The following PRR23B variants were observed in gnomAD, a reference collection of about 807,000 sequenced individuals.
PRR23B encodes proline-rich protein 23B.
For missense variants in PRR23B, 375 were observed against 371.7 expected (o/e 1.01, Z -0.07); for synonymous variants, 157 against 168.0 (o/e 0.93, Z 0.51).
In PRR23B at chr3:139,020,466, C is replaced by A. The variant is rs1346080830; in HGVS notation, c.196G>T (p.Gly66Cys). 2 of 1,609,878 alleles carry A rather than the reference C, an allele frequency of 1.2e-6. No homozygotes were observed. The highest frequency in any genetic ancestry group is 2.2e-5 in the South Asian group (2 of 90,676). The change falls in exon 1 of 1, where the codon GGC (glycine) becomes TGC (cysteine). Residue 66 changes from glycine to cysteine, a missense_variant. By Grantham distance (159) the Gly-to-Cys change is radical. Coordinates refer to ENST00000329447, the MANE Select transcript of PRR23B (RefSeq NM_001013650.2). ...ALTSIVVLAA[G>C]CALRVPLDDV... ...TCCAGGGGCACACGCAGGGCACAGCCCGCGGCCAGGACCACTATGGAGGTG... is the reference window on the plus strand; with the variant it reads ...TCCAGGGGCACACGCAGGGCACAGCACGCGGCCAGGACCACTATGGAGGTG...
Position 139,019,041 on chromosome 3 carries a change from A to G in PRR23B, c.*823T>C, listed in dbSNP as rs1052077846. On this transcript the variant is annotated 3_prime_UTR_variant, in exon 1 of 1. Transcript: ENST00000329447. ...CCAGCTTGTTGACATCAGCTTTACC[A>G]GTAATCTTTTATCTCCTATATAAAA... The G allele has an allele frequency of 1.3e-5, 2 of 152,218 alleles. No individual in the cohort carries two copies. The highest frequency in any genetic ancestry group is 1.9e-4 in the East Asian group (1 of 5,198). 9.4% of individuals were successfully genotyped at this position (152,218 alleles called of 1,614,324 possible).
At position 139,019,767 on chromosome 3, in the gene PRR23B, T is replaced by C; in HGVS notation, c.*97A>G. 2 of 1,297,902 alleles carry C rather than the reference T, an allele frequency of 1.5e-6. No individual in the cohort carries two copies. Among genetic ancestry groups the C allele is most frequent in the South Asian group, 3.0e-5 (2 of 66,922 alleles). The allele number at this position is 1,297,902 out of a possible 1,614,324, so 80.4% of individuals were successfully genotyped here. A position where few individuals can be genotyped will look rare whatever the true frequency, so the allele number is the denominator to read the frequency against. On this transcript the variant is annotated 3_prime_UTR_variant, in exon 1 of 1. Coordinates refer to ENST00000329447, the MANE Select transcript of PRR23B (RefSeq NM_001013650.2). ...TTGTCCGAACACGCGGTGCCCAATT[T>C]CCAGGTTGTTGGATACTCAATGTGA...
Sources: allele counts gnomAD v4.1 joint callset, GRCh38; gene constraint gnomAD v4.1.1; transcripts MANE v1.5; gene names NCBI Gene and HGNC (gene_info 2026-07-23, HGNC 2026-07-21).